Variants in OLA1 observed in about 807,000 individuals in gnomAD.
The protein encoded by OLA1 is Obg like ATPase 1, also known as obg-like ATPase 1.
In OLA1, 14 loss-of-function variants were observed where a neutral mutation model predicts 48.4. That is an observed-to-expected ratio of 0.29 (90% CI 0.19 to 0.45). The LOEUF (loss-of-function observed/expected upper bound fraction) is 0.45. Among genes scored for constraint, OLA1 ranks in the 20% least tolerant of loss-of-function variants. The probability of loss-of-function intolerance (pLI) is 1.00; values close to 1 mark genes in which losing one functional copy is unlikely to be tolerated. For missense variants in OLA1, 325 were observed against 467.1 expected, an observed-to-expected ratio of 0.70 and a Z score of 2.80; for synonymous variants, 127 against 150.4, an observed-to-expected ratio of 0.84 and a Z score of 1.14.
chr2:174,166,811 C>G (rs1687175923), intron 4 of OLA1, among the ~76,000 whole-genome samples: 1 of 152,154 alleles, frequency 6.6e-6, no homozygotes, highest in Admixed American at 6.5e-5. Context: ...TACCCAACTA[C>G]TACTCCACCT....
chr2:174,167,383 C>T (rs186644891), intron 4 of OLA1, among the ~76,000 whole-genome samples: 2 of 152,320 alleles, frequency 1.3e-5, no homozygotes, highest in African/African-American at 4.8e-5. Flanking sequence ...CAAGACCAGG[C>T]TGACCAACAT....
chr2:174,232,871 G>C (rs374530012), intron 2 of OLA1, among the ~76,000 whole-genome samples: 14 of 152,260 alleles, frequency 9.2e-5, no homozygotes, highest in African/African-American at 3.4e-4. Context: ...ATATCCAAAA[G>C]AGTTGAAAGC....
At chr2:174,180,983 C>T (rs1687519637) in intron 4 of OLA1, among the ~76,000 whole-genome samples, 1 of 152,084 alleles carries the variant, frequency 6.6e-6, no homozygotes, top group African/African-American at 2.4e-5. Flanking sequence ...CAAAGGAAAA[C>T]AAATCAGGCA....
intron 7 of OLA1, among the ~76,000 whole-genome samples, chr2:174,084,536 A>G (rs995367411): frequency 5.9e-4 from 90 of 152,336 alleles, no homozygotes; most frequent in African/African-American, 2.1e-3. Flanking sequence ...AATTAAAAAT[A>G]TTATTTGATT....
In OLA1 at chr2:174,163,727, TA is replaced by T. The variant is rs1201792317; in HGVS notation, c.374-21728del. ...AAATAAATAAATATATATATATATA[TA>T]TATATATATATATATATATATATAT... On this transcript the variant is annotated intron_variant, in intron 4 of 10. Coordinates refer to ENST00000284719, the MANE Select transcript of OLA1 (RefSeq NM_013341.5). Among the ~76,000 whole-genome samples, 3 of 10,006 alleles carry T rather than the reference TA, an allele frequency of 3.0e-4. 1 individual carries two copies. Among genetic ancestry groups the T allele is most frequent in the African/African-American group, 7.8e-4 (3 of 3,824 alleles). The allele number at this position is 10,006 out of a possible 152,430, so 6.6% of individuals were successfully genotyped here.
At chr2:174,242,260 C>T (rs539296325) in intron 2 of OLA1, among the ~76,000 whole-genome samples, 1 of 152,288 alleles carries the variant, frequency 6.6e-6, no homozygotes, top group African/African-American at 2.4e-5. Context: ...TGAAACTGCC[C>T]CATTTTAGAT....
chr2:174,215,223 C>T (rs1379558254), intron 4 of OLA1, among the ~76,000 whole-genome samples: 1 of 152,172 alleles, frequency 6.6e-6, no homozygotes, highest in East Asian at 1.9e-4. Context: ...TAGCCATACT[C>T]TTGTGGTGGT....
chr2:174,157,603 A>G (rs1686916971), intron 4 of OLA1, among the ~76,000 whole-genome samples: 1 of 152,214 alleles, frequency 6.6e-6, no homozygotes, highest in Non-Finnish European at 1.5e-5. Flanking sequence ...AAATGTAAAC[A>G]TGGGACAGGT....
At chr2:174,143,304 C>T (rs1686501108) in intron 4 of OLA1, among the ~76,000 whole-genome samples, 1 of 152,058 alleles carries the variant, frequency 6.6e-6, no homozygotes, top group Non-Finnish European at 1.5e-5. Context: ...GTTTTACTAA[C>T]AAACACAATA....
chr2:174,144,929 TTAAAAAAAA>T (rs1347596983), intron 4 of OLA1, among the ~76,000 whole-genome samples: 1 of 24,992 alleles, frequency 4.0e-5, no homozygotes, highest in African/African-American at 1.4e-4. Flanking sequence ...AAGACCCTGT[TTAAAAAAAA>T]AAAAAAAAAA....
intron 10 of OLA1, 41 bp from the exon 11 acceptor site, chr2:174,075,568 C>CCCCATGTATTTAGTTGTA: frequency 1.7e-6 from 2 of 1,161,272 alleles, no homozygotes; most frequent in Non-Finnish European, 2.6e-6. Context: ...TATTAGTTTA[C>CCCCATGTATTTAGTTGTA]AACTAAATAC....
chr2:174,124,024 TGA>T (rs1158619573), intron 5 of OLA1, among the ~76,000 whole-genome samples: 1 of 152,050 alleles, frequency 6.6e-6, no homozygotes, highest in Non-Finnish European at 1.5e-5. Flanking sequence ...GAAAATGGAG[TGA>T]GGGGATATAC....
chr2:174,191,136 C>T (rs890649585), intron 4 of OLA1, among the ~76,000 whole-genome samples: 1 of 151,880 alleles, frequency 6.6e-6, no homozygotes, highest in Non-Finnish European at 1.5e-5. Flanking sequence ...AAAAAAATGA[C>T]AAGTATGTGA....
At chr2:174,189,784 C>T (rs1478184740) in intron 4 of OLA1, among the ~76,000 whole-genome samples, 1 of 151,684 alleles carries the variant, frequency 6.6e-6, no homozygotes, top group Non-Finnish European at 1.5e-5. Flanking sequence ...AAATCTATCT[C>T]CCATTCAGTA....
intron 8 of OLA1, 143 bp from the exon 9 acceptor site, chr2:174,081,391 G>A: frequency 1.7e-6 from 1 of 599,864 alleles, no homozygotes; most frequent in Admixed American, 3.1e-5. Flanking sequence ...CACTGGAAGG[G>A]TTCAGAAAGC....
intron 5 of OLA1, among the ~76,000 whole-genome samples, chr2:174,130,975 CA>C (rs1305398780): frequency 6.6e-6 from 1 of 152,044 alleles, no homozygotes; most frequent in Non-Finnish European, 1.5e-5. Flanking sequence ...GATAAAAGTA[CA>C]AATATTTTTA....
chr2:174,174,271 A>G (rs1574528399), intron 4 of OLA1, among the ~76,000 whole-genome samples: 1 of 120,044 alleles, frequency 8.3e-6, no homozygotes, highest in African/African-American at 3.2e-5. Context: ...ATACAGATGT[A>G]AAAATCCTTT....
At position 174,224,338 on chromosome 2, in the gene OLA1, C is replaced by G. The variant is rs559991673; in HGVS notation, c.246-1178G>C. 2.6e-5 allele frequency among the ~76,000 whole-genome samples: 4 copies of G among 152,334 alleles called. No homozygotes were observed. The South Asian group carries it at 6.2e-4, about 24-fold the overall frequency. Reference sequence around the variant, plus strand: ...TGGTAGCCATTCCTCTCCAGCAGAGCCCAGCGCTTTGGAGAAGCTTGCTCT... The same window carrying G: ...TGGTAGCCATTCCTCTCCAGCAGAGGCCAGCGCTTTGGAGAAGCTTGCTCT... On this transcript the variant is annotated intron_variant, in intron 3 of 10. Transcript: ENST00000284719.
intron 2 of OLA1, among the ~76,000 whole-genome samples, chr2:174,239,926 T>C (rs1468634216): frequency 6.6e-6 from 1 of 151,400 alleles, no homozygotes; most frequent in Non-Finnish European, 1.5e-5. Context: ...AAATGCAACA[T>C]ACAATTATGG....
Sources: allele counts gnomAD v4.1 joint callset (sites outside exome capture counted in the v4.1 genomes callset), GRCh38; gene constraint gnomAD v4.1.1; transcripts MANE v1.5; gene names NCBI Gene and HGNC (gene_info 2026-07-23, HGNC 2026-07-21).